PLA2G4B: variants seen among roughly 807,000 people sequenced by gnomAD.
The protein encoded by PLA2G4B is cytosolic phospholipase A2 beta.
PLA2G4B carries 122 observed loss-of-function variants against 95.8 expected under a neutral mutation model. The ratio of observed to expected loss-of-function variants is 1.27; its 90% CI spans 1.10 to 1.48. PLA2G4B has a LOEUF of 1.48. PLA2G4B is among the 40% of genes most tolerant of loss of function. The pLI, the probability that PLA2G4B is intolerant of heterozygous loss-of-function variation, is 0.00. For missense variants in PLA2G4B, 1,158 were observed against 996.2 expected, an observed-to-expected ratio of 1.16 and a Z score of -2.19; for synonymous variants, 518 against 421.5, an observed-to-expected ratio of 1.23 and a Z score of -2.80.
intron 13 of PLA2G4B, 50 bp from the exon 14 acceptor site, chr15:41,845,153 C>T (rs2065514604): frequency 6.2e-7 from 1 of 1,612,050 alleles, no homozygotes; most frequent in Non-Finnish European, 8.5e-7. Flanking sequence ...TGGGAAAGGC[C>T]CTGGGCACCC....
chr15:41,842,752 G>A (rs1320943565), intron 10 of PLA2G4B, 161 bp downstream of exon 10: 2 of 1,106,968 alleles, frequency 1.8e-6, no homozygotes, highest in Non-Finnish European at 2.5e-6. Context: ...AGTACTGGGA[G>A]GAGTACTGGG....
Position 41,846,709 on chromosome 15 carries a change from G to A in PLA2G4B, c.1821G>A (p.Ser607=), listed in dbSNP as rs761923148. The A allele has an allele frequency of 1.7e-5, 27 of 1,613,528 alleles. No homozygotes were observed. Among genetic ancestry groups the A allele is most frequent in the Non-Finnish European group, 2.1e-5 (25 of 1,179,776 alleles). Residue 607 remains serine, a synonymous_variant, in exon 18 of 20, where the codon TCG becomes TCA. Transcript: ENST00000458483. ...GGCTCCCCAACCAGCTGACACCCTCGGAGCCCCACCTGTGCCTGCTGGATG... is the reference window on the plus strand; with the variant it reads ...GGCTCCCCAACCAGCTGACACCCTCAGAGCCCCACCTGTGCCTGCTGGATG... ...LDGLPNQLTP[S]EPHLCLLDVG...
At chr15:41,843,876 A>G (rs1301923557) in intron 11 of PLA2G4B, 65 bp downstream of exon 11, 31 of 1,576,794 alleles carry the variant, frequency 2.0e-5, no homozygotes, top group Non-Finnish European at 2.4e-5. Flanking sequence ...GGTGCTGAAC[A>G]CTGGAGCTGC....
At chr15:41,840,253 C>T (rs757078475) in intron 2 of PLA2G4B, 23 bp downstream of exon 2, 7 of 1,611,872 alleles carry the variant, frequency 4.3e-6, no homozygotes, top group Non-Finnish European at 4.2e-6. Context: ...CGCCCTGGCC[C>T]CTGTGCTGGG....
chr15:41,843,343 G>T (rs1648831), intron 10 of PLA2G4B: 168,368 of 219,050 alleles, frequency 0.77, 65,695 homozygotes, highest in East Asian at 0.87. Flanking sequence ...AAAGTGCTTT[G>T]AACTCCGTGG....
intron 11 of PLA2G4B, among the ~76,000 whole-genome samples, 157 bp from the exon 12 acceptor site, chr15:41,844,314 T>C (rs1452746025): frequency 1.3e-5 from 2 of 152,178 alleles, no homozygotes; most frequent in Non-Finnish European, 2.9e-5. Flanking sequence ...CAAAAGGCTG[T>C]TTCTGGCCCC....
In PLA2G4B at chr15:41,842,268, A is replaced by G; in HGVS notation, c.697A>G (p.Thr233Ala). 1.2e-6 allele frequency: 2 copies of G among 1,613,942 alleles called. No individual in the cohort carries two copies. Among genetic ancestry groups the G allele is most frequent in the Non-Finnish European group, 1.7e-6 (2 of 1,180,002 alleles). The stretch of plus-strand genomic sequence containing the variant: ...TCAAGTGGTGAGGCTTGTCTTCCCC[A>G]CGTCCCAGGTACTGGCCTCCCAGGG... ...SGQVVRLVFP[T>A]SQEPLMRVEL... is the part of the protein sequence containing the mutation. Residue 233 changes from threonine (T) to alanine (A), a missense_variant, in exon 9 of 20, where the codon ACG becomes GCG. Transcript: ENST00000458483.
At position 41,846,794 on chromosome 15, in the gene PLA2G4B, C is replaced by T; in HGVS notation, c.1906C>T (p.Leu636Phe). 6.2e-7 allele frequency: 1 copy of T among 1,613,796 alleles called. No homozygotes were observed. The highest frequency in any genetic ancestry group is 8.5e-7 in the Non-Finnish European group (1 of 1,179,834). Residue 636 changes from leucine to phenylalanine, a missense_variant, in exon 18 of 20, where the codon CTC becomes TTC. Physicochemically the swap from Leu to Phe is conservative, Grantham distance 22. Coordinates refer to ENST00000458483, the MANE Select transcript of PLA2G4B (RefSeq NM_001114633.2). ...CCTGCAGCCCACTCGGGACGTGGAC[C>T]TCATCCTGTCATTGGACTACAACCT... ...PLLQPTRDVD[L>F]ILSLDYNLHG... is the part of the protein sequence containing the mutation.
In PLA2G4B at chr15:41,840,175, C is replaced by T. The variant is rs777100888; in HGVS notation, c.27C>T (p.Thr9=). ...CTCTGCAGGCAGAGGTGTCCAGGACCTGCCTGCTCACGGTTCGTGTCCTGC... is the reference window on the plus strand; with the variant it reads ...CTCTGCAGGCAGAGGTGTCCAGGACTTGCCTGCTCACGGTTCGTGTCCTGC... The part of the protein sequence containing the change: MAVAEVSR[T]CLLTVRVLQA... The change falls in exon 2 of 20, where the codon ACC becomes ACT. Residue 9 remains threonine (T), a synonymous_variant. Transcript: ENST00000458483. 8 of 1,613,192 alleles carry T rather than the reference C, an allele frequency of 5.0e-6. No homozygotes were observed. Among genetic ancestry groups the T allele is most frequent in the Non-Finnish European group, 6.8e-6 (8 of 1,180,008 alleles).
intron 11 of PLA2G4B, among the ~76,000 whole-genome samples, chr15:41,844,061 C>G (rs2065486868): frequency 6.6e-6 from 1 of 152,202 alleles, no homozygotes; most frequent in Admixed American, 6.5e-5. Context: ...TCAGCCTAGC[C>G]TGTCTGAGGA....
intron 2 of PLA2G4B, 119 bp from the exon 3 acceptor site, chr15:41,840,405 C>T (rs1453095786): frequency 1.9e-6 from 3 of 1,587,914 alleles, no homozygotes; most frequent in Non-Finnish European, 2.6e-6. Context: ...TGCCTCTGGC[C>T]CCCACTTCCC....
At chr15:41,838,961 C>G (rs1567167991) in intron 1 of PLA2G4B, 39 bp downstream of exon 1, 1 of 1,517,882 alleles carries the variant, frequency 6.6e-7, no homozygotes, top group African/African-American at 1.4e-5. Context: ...ACTGGGACCC[C>G]TGGTCTCTAC....
At chr15:41,843,652 A>T (rs2065477463) in intron 10 of PLA2G4B, 24 bp from the exon 11 acceptor site, 20 of 1,610,242 alleles carry the variant, frequency 1.2e-5, no homozygotes, top group Non-Finnish European at 1.7e-5. Context: ...GAGCTGTCTC[A>T]CAGTCTCTTC....
chr15:41,845,514 GCCCAGGCCACA>G (rs1357256013), intron 14 of PLA2G4B, 113 bp from the exon 15 acceptor site: 2 of 1,505,984 alleles, frequency 1.3e-6, no homozygotes, highest in South Asian at 1.3e-5. Context: ...TATGCACGAA[GCCCAGGCCACA>G]AGGCCTGGGC....
At chr15:41,841,780 T>C (rs2065435805) in intron 7 of PLA2G4B, 39 bp from the exon 8 acceptor site, 1 of 1,605,082 alleles carries the variant, frequency 6.2e-7, no homozygotes, top group Non-Finnish European at 8.5e-7. Context: ...TGGGCAGAGA[T>C]ACCGTCCCCA....
In PLA2G4B at chr15:41,846,655, C is replaced by T. The variant is rs779178257; in HGVS notation, c.1781-14C>T. ...TGGTATCTGTGACAATTGCTGCTCT[C>T]CCCAACCTTCCAGCTACCACTCTGG... On this transcript the variant is annotated splice_polypyrimidine_tract_variant and intron_variant, in intron 17 of 19. Transcript: ENST00000458483. The T allele has an allele frequency of 6.3e-7, 1 of 1,597,748 alleles. No individual in the cohort carries two copies. The highest frequency in any genetic ancestry group is 1.7e-5 in the Admixed American group (1 of 58,912).
chr15:41,848,135 T>A lies in PLA2G4B; in HGVS notation c.*275T>A. 5.3e-6 allele frequency: 3 copies of A among 568,850 alleles called. No homozygotes were observed. The South Asian group carries it at 6.2e-5, about 12-fold the overall frequency. The allele number at this position is 568,850 out of a possible 1,614,324, so 35.2% of individuals were successfully genotyped here. On this transcript the variant is annotated 3_prime_UTR_variant, in exon 20 of 20. Coordinates refer to ENST00000458483, the MANE Select transcript of PLA2G4B (RefSeq NM_001114633.2). ...TTGGAGCACTTGATACATCACAGAC[T>A]CATACAAATGTGAGGCGCTGAGACC...
At chr15:41,845,154 C>G in intron 13 of PLA2G4B, 49 bp from the exon 14 acceptor site, 1 of 1,612,174 alleles carries the variant, frequency 6.2e-7, no homozygotes, top group Non-Finnish European at 8.5e-7. Context: ...GGGAAAGGCC[C>G]TGGGCACCCA....
At chr15:41,840,294 G>A in intron 2 of PLA2G4B, 64 bp downstream of exon 2, 1 of 1,593,360 alleles carries the variant, frequency 6.3e-7, no homozygotes, top group South Asian at 1.1e-5. Flanking sequence ...TGAGGAGGAG[G>A]GTGCTGTGGC....
Sources: allele counts gnomAD v4.1 joint callset (sites outside exome capture counted in the v4.1 genomes callset), GRCh38; gene constraint gnomAD v4.1.1; transcripts MANE v1.5; gene names NCBI Gene and HGNC (gene_info 2026-07-23, HGNC 2026-07-21).